ZHX1: variants seen among roughly 807,000 people sequenced by gnomAD.
ZHX1 encodes the protein zinc fingers and homeoboxes 1.
In ZHX1, 20 loss-of-function variants were observed where a neutral mutation model predicts 61.8. The observed-to-expected ratio is 0.32, with a 90% CI of 0.23 to 0.47. The LOEUF is 0.47. Among genes scored for constraint, ZHX1 ranks in the 20% least tolerant of loss-of-function variants. The pLI is 1.00. For synonymous variants in ZHX1, 318 were observed against 352.6 expected, an observed-to-expected ratio of 0.90 and a Z score of 1.10; for missense variants, 800 against 1,034.8, an observed-to-expected ratio of 0.77 and a Z score of 3.11.
In ZHX1 at chr8:123,272,236, C is replaced by A. The variant is rs188416324; in HGVS notation, c.-340+1981G>T. Among the ~76,000 whole-genome samples, 5 of 152,276 alleles carry A rather than the reference C, an allele frequency of 3.3e-5. No homozygotes were observed. In the East Asian group the frequency reaches 9.6e-4, roughly 29 times the overall value. ...AAGTATTACCCTTTCTCATTTTAATCCTGATTGTCAAATAAGGCGTCTGAA... is the reference window on the plus strand; with the variant it reads ...AAGTATTACCCTTTCTCATTTTAATACTGATTGTCAAATAAGGCGTCTGAA... On this transcript the variant is annotated intron_variant, in intron 1 of 3. Coordinates refer to ENST00000395571, the MANE Select transcript of ZHX1 (RefSeq NM_007222.5).
chr8:123,254,595 T>C lies in ZHX1; in HGVS notation c.1352A>G (p.Gln451Arg), dbSNP rs770028418. Reference sequence around the variant, plus strand: ...CAATGCAGTTTCATGTTTGACACTTTGAGAAGTTGGAACTGCTGCTGTTGC... The same window carrying C: ...CAATGCAGTTTCATGTTTGACACTTCGAGAAGTTGGAACTGCTGCTGTTGC... ...KPATAAVPTS[Q>R]SVKHETALVN... Residue 451 changes from glutamine (Q) to arginine (R), a missense_variant, in exon 3 of 4, where the codon CAA (glutamine) becomes CGA (arginine). Physicochemically the swap from Gln to Arg is conservative, Grantham distance 43. Coordinates refer to ENST00000395571, the MANE Select transcript of ZHX1 (RefSeq NM_007222.5). The surrounding 1 kb of genome is among the most constrained non-coding windows in gnomAD (Gnocchi z 4.1). The C allele has an allele frequency of 3.3e-5, 53 of 1,614,130 alleles. No homozygotes were observed. Among genetic ancestry groups the C allele is most frequent in the Non-Finnish European group, 4.3e-5 (51 of 1,180,046 alleles).
intron 2 of ZHX1, among the ~76,000 whole-genome samples, chr8:123,260,190 G>C (rs1826203931): frequency 6.6e-6 from 1 of 151,800 alleles, no homozygotes; most frequent in Non-Finnish European, 1.5e-5. Context: ...AAGAAAAAAA[G>C]AAGAGCTATC....
At chr8:123,251,697 G>C (rs917529142) in intron 3 of ZHX1, among the ~76,000 whole-genome samples, 10 of 152,182 alleles carry the variant, frequency 6.6e-5, no homozygotes, top group South Asian at 2.1e-4. Context: ...TATGTATCTG[G>C]GTCAGAAGAA....
upstream of ZHX1, among the ~76,000 whole-genome samples, chr8:123,274,672 C>T (rs73703793): frequency 8.6e-5 from 13 of 151,694 alleles, no homozygotes; most frequent in South Asian, 2.5e-3. Flanking sequence ...TGTCAGGAGA[C>T]GCCCCGCCTT....
rs773204329 is a variant in ZHX1, at chr8:123,251,243, A to G, written c.*4-923T>C. Among the ~76,000 whole-genome samples the G allele has an allele frequency of 6.6e-5, 10 of 152,126 alleles. 1 individual carries two copies. Among genetic ancestry groups the G allele is most frequent in the Middle Eastern group, 6.3e-3 (2 of 316 alleles). The stretch of plus-strand genomic sequence containing the variant: ...CCCTTCTTCCCCTTCGCCTTCTGCC[A>G]TGACTGTAAGTTTCTTGGGGCCTCC... On this transcript the variant is annotated intron_variant, in intron 3 of 3. Coordinates refer to ENST00000395571, the MANE Select transcript of ZHX1 (RefSeq NM_007222.5).
intron 2 of ZHX1, among the ~76,000 whole-genome samples, chr8:123,258,422 T>C (rs1475789745): frequency 6.6e-6 from 1 of 152,242 alleles, no homozygotes; most frequent in Non-Finnish European, 1.5e-5. Context: ...TACCTAGCTC[T>C]GGGTATTCCT....
intron 3 of ZHX1, chr8:123,252,734 T>C (rs768696199): frequency 5.3e-5 from 8 of 152,106 alleles, no homozygotes; most frequent in Non-Finnish European, 1.2e-4. Context: ...AAAAAGATAC[T>C]GAGTAATTTC....
intron 2 of ZHX1, among the ~76,000 whole-genome samples, chr8:123,263,130 T>C (rs909917723): frequency 6.9e-6 from 1 of 144,270 alleles, no homozygotes; most frequent in Non-Finnish European, 1.5e-5. Context: ...GAAGCAAGAA[T>C]CCCTCAGTAT....
intron 2 of ZHX1, chr8:123,256,960 C>A (rs1826090297): frequency 6.6e-6 from 1 of 151,972 alleles, no homozygotes; most frequent in Non-Finnish European, 1.5e-5. Flanking sequence ...ACTCTGCCAC[C>A]CAGGCTGGAG....
Position 123,255,441 on chromosome 8 carries a change from G to T in ZHX1, c.506C>A (p.Thr169Lys), listed in dbSNP as rs1050241621. The T allele has an allele frequency of 6.2e-7, 1 of 1,613,236 alleles. No individual in the cohort carries two copies. Among genetic ancestry groups the T allele is most frequent in the Middle Eastern group, 1.6e-4 (1 of 6,062 alleles). ...AGATATTCCCGAAGAAGAAACTTCT[G>T]TAGATTCTGCTTGCTCTGCATTCTC... ...KEENAEQAES[T>K]EVSSSGISIS... The change falls in exon 3 of 4, where the codon ACA (threonine) becomes AAA (lysine). Residue 169 changes from threonine (T) to lysine (K), a missense_variant. Thr to Lys is a moderately conservative substitution (Grantham distance 78). Transcript: ENST00000395571.
intron 1 of ZHX1, among the ~76,000 whole-genome samples, chr8:123,272,094 C>T (rs996237151): frequency 4.6e-5 from 7 of 152,230 alleles, no homozygotes; most frequent in Non-Finnish European, 1.0e-4. Flanking sequence ...AAGTTCTAAA[C>T]TAGTTTCTAT....
Position 123,253,403 on chromosome 8 carries a change from A to G in ZHX1, c.2544T>C (p.Asp848=), listed in dbSNP as rs767017753. 1 of 1,613,948 alleles carries G rather than the reference A, an allele frequency of 6.2e-7. No homozygotes were observed. Among genetic ancestry groups the G allele is most frequent in the Admixed American group, 1.7e-5 (1 of 60,016 alleles). Residue 848 remains aspartate (D), a synonymous_variant, in exon 3 of 4, where the codon GAT becomes GAC. Transcript: ENST00000395571. The part of the protein sequence containing the change: ...EDEVIDDQEE[D]EEETDDSDTW... ...TGTCACTATCATCTGTTTCTTCTTCATCCTCTTCCTGGTCATCAATAACTT... is the reference window on the plus strand; with the variant it reads ...TGTCACTATCATCTGTTTCTTCTTCGTCCTCTTCCTGGTCATCAATAACTT...
Position 123,267,375 on chromosome 8 carries a change from G to T in ZHX1, c.-328C>A. On this transcript the variant is annotated 5_prime_UTR_variant, in exon 2 of 4. In the 5' UTR this introduces an upstream ATG that the reference lacks. Transcript: ENST00000395571. ...CATTACCAACAGGTCCAAAGCAGCA[G>T]TCTGTCTTCTCCTACAAAAAAGTCA... 8.8e-7 allele frequency: 1 copy of T among 1,132,628 alleles called. No homozygotes were observed. The highest frequency in any genetic ancestry group is 1.2e-6 in the Non-Finnish European group (1 of 821,948). The allele number at this position is 1,132,628 out of a possible 1,614,324, so 70.2% of individuals were successfully genotyped here. A position where few individuals can be genotyped will look rare whatever the true frequency, so the allele number is the denominator to read the frequency against.
Position 123,253,373 on chromosome 8 carries a change from C to T in ZHX1, c.2574G>A (p.Trp858Ter), listed in dbSNP as rs1170424729. 1 of 1,613,314 alleles carries T rather than the reference C, an allele frequency of 6.2e-7. No homozygotes were observed. Among genetic ancestry groups the T allele is most frequent in the South Asian group, 1.1e-5 (1 of 90,978 alleles). Reference sequence around the variant, plus strand: ...TCCGTTTCACATGTCGTGGAGGTTCCCAAGTGTCACTATCATCTGTTTCTT... The same window carrying T: ...TCCGTTTCACATGTCGTGGAGGTTCTCAAGTGTCACTATCATCTGTTTCTT... ...DEEETDDSDTWEPPRHVKRKL... is the reference protein window; with the variant it reads ...DEEETDDSDT Residue 858 changes from tryptophan (W) to a stop codon, truncating the protein, a stop_gained, in exon 3 of 4, where the codon TGG (tryptophan) becomes TGA (stop). Coordinates refer to ENST00000395571, the MANE Select transcript of ZHX1 (RefSeq NM_007222.5). LOFTEE classifies it high-confidence loss of function.
At chr8:123,256,634 G>A (rs1449233253) in intron 2 of ZHX1, among the ~76,000 whole-genome samples, 3 of 151,986 alleles carry the variant, frequency 2.0e-5, no homozygotes, top group Admixed American at 1.3e-4. Context: ...CGTGGTGGCA[G>A]GTGCCTGTAG....
chr8:123,254,636 A>C lies in ZHX1; in HGVS notation c.1311T>G (p.Thr437=), dbSNP rs1826016592. The C allele has an allele frequency of 6.2e-7, 1 of 1,614,080 alleles. No homozygotes were observed. The highest frequency in any genetic ancestry group is 1.1e-5 in the South Asian group (1 of 91,094). The stretch of plus-strand genomic sequence containing the variant: ...CTGCTGTTGCTGGCTTTGTTTCTGC[A>C]GTAGGCTGAGCAGCAGGTACCTGAC... ...QKSQVPAAQP[T]AETKPATAAV... The change falls in exon 3 of 4, where the codon ACT becomes ACG. Residue 437 remains threonine, a synonymous_variant. Transcript: ENST00000395571. The surrounding 1 kb of genome is among the most constrained non-coding windows in gnomAD (Gnocchi z 4.1).
In ZHX1 at chr8:123,255,029, G is replaced by A. The variant is rs376987849; in HGVS notation, c.918C>T (p.Phe306=). The A allele has an allele frequency of 5.6e-6, 9 of 1,614,008 alleles. No homozygotes were observed. Among genetic ancestry groups the A allele is most frequent in the Admixed American group, 1.7e-5 (1 of 59,990 alleles). Residue 306 remains phenylalanine (F), a synonymous_variant, in exon 3 of 4, where the codon TTC becomes TTT. Transcript: ENST00000395571. The stretch of plus-strand genomic sequence containing the variant: ...TAATTTCTGACATTGTTGGGTAAGG[G>A]AACTTGTTGTAGGTGTTAAGTAAAA... ...NPLLLNTYNK[F]PYPTMSEITV...
In ZHX1 at chr8:123,254,106, G is replaced by A. The variant is rs1343834706; in HGVS notation, c.1841C>T (p.Ala614Val). The A allele has an allele frequency of 1.2e-6, 2 of 1,613,948 alleles. No homozygotes were observed. Among genetic ancestry groups the A allele is most frequent in the African/African-American group, 1.3e-5 (1 of 74,898 alleles). ...QTKLTRREIDAWFTEKKKSKA... is the reference protein window; with the variant it reads ...QTKLTRREIDVWFTEKKKSKA... ...TGATTTCTTCTTCTCTGTAAACCAA[G>A]CATCGATTTCTCTTCTGGTAAGTTT... The change falls in exon 3 of 4, where the codon GCT (alanine) becomes GTT (valine). Residue 614 changes from alanine (A) to valine (V), a missense_variant. By Grantham distance (64) the Ala-to-Val change is moderately conservative. Coordinates refer to ENST00000395571, the MANE Select transcript of ZHX1 (RefSeq NM_007222.5). The surrounding 1 kb of genome is among the most constrained non-coding windows in gnomAD (Gnocchi z 4.1).
intron 2 of ZHX1, among the ~76,000 whole-genome samples, chr8:123,259,004 AATACATCTAGTC>A (rs1826162955): frequency 6.6e-6 from 1 of 152,202 alleles, no homozygotes; most frequent in Non-Finnish European, 1.5e-5. Context: ...CCTATGAGAC[AATACATCTAGTC>A]AGTAAATGGA....
Sources: allele counts gnomAD v4.1 joint callset (sites outside exome capture counted in the v4.1 genomes callset), GRCh38; gene constraint gnomAD v4.1.1; non-coding constraint Gnocchi (gnomAD v3.1); transcripts MANE v1.5; gene names NCBI Gene and HGNC (gene_info 2026-07-23, HGNC 2026-07-21).